Variants in NCKAP1 observed in about 807,000 individuals in gnomAD.
NCKAP1 encodes the protein NCK associated protein 1, also known as nck-associated protein 1.
Under a neutral mutation model 151.2 loss-of-function variants are expected in NCKAP1, and 21 were observed. That is an observed-to-expected ratio of 0.14 (90% CI 0.10 to 0.20). The LOEUF is 0.20. NCKAP1 is among the 10% of genes least tolerant of loss of function. The pLI is 1.00. For missense variants in NCKAP1, 933 were observed against 1,352.1 expected (o/e 0.69, Z 4.86); for synonymous variants, 484 against 451.8 (o/e 1.07, Z -0.90).
At chr2:182,964,045 A>T (rs889837389) in intron 17 of NCKAP1, among the ~76,000 whole-genome samples, 6 of 152,152 alleles carry the variant, frequency 3.9e-5, no homozygotes, top group Non-Finnish European at 7.4e-5. Context: ...GTTAAATTAT[A>T]ATAAAGAAAT....
intron 2 of NCKAP1, among the ~76,000 whole-genome samples, chr2:183,011,877 A>T (rs1287304317): frequency 6.6e-6 from 1 of 152,226 alleles, no homozygotes; most frequent in East Asian, 1.9e-4. Context: ...TATTATTCAG[A>T]CAACAAATAT....
intron 25 of NCKAP1, 97 bp from the exon 26 acceptor site, chr2:182,934,929 A>C (rs1006031083): frequency 1.9e-5 from 12 of 617,110 alleles, no homozygotes; most frequent in African/African-American, 3.7e-5. Context: ...GTTTTCATAA[A>C]AATTATTTTA....
chr2:183,034,539 G>GT (rs1699066189), intron 1 of NCKAP1, among the ~76,000 whole-genome samples: 1 of 152,076 alleles, frequency 6.6e-6, no homozygotes, highest in Non-Finnish European at 1.5e-5. Context: ...AAAGAAGAGA[G>GT]TAAACCACAC....
At chr2:182,947,609 T>A (rs1321007001) in intron 23 of NCKAP1, among the ~76,000 whole-genome samples, 1 of 152,318 alleles carries the variant, frequency 6.6e-6, no homozygotes, top group South Asian at 2.1e-4. Flanking sequence ...GAGATATATA[T>A]ATATCTCCAG....
Position 183,003,234 on chromosome 2 carries a change from T to A in NCKAP1, c.311A>T (p.Lys104Met). Reference protein sequence around the residue: ...YFTFVDVMEFKDHVCELLNTI... With the variant: ...YFTFVDVMEFMDHVCELLNTI... Reference sequence around the variant, plus strand: ...AATATTATATATTAAAATACATACCTTAAATTCCATAACATCTACAAATGT... The same window carrying A: ...AATATTATATATTAAAATACATACCATAAATTCCATAACATCTACAAATGT... Residue 104 changes from lysine (K) to methionine (M), a missense_variant and splice_region_variant, in exon 3 of 31, where the codon AAG becomes ATG. Around this residue, in one of 2 missense-constraint regions of NCKAP1, gnomAD observed 607 missense variants for 795.0 expected, o/e 0.76. Coordinates refer to ENST00000361354, the MANE Select transcript of NCKAP1 (RefSeq NM_013436.5). 1 of 1,494,268 alleles carries A rather than the reference T, an allele frequency of 6.7e-7. No homozygotes were observed. Among genetic ancestry groups the A allele is most frequent in the South Asian group, 1.2e-5 (1 of 81,598 alleles). The allele number at this position is 1,494,268 out of a possible 1,614,324, so 92.6% of individuals were successfully genotyped here.
intron 23 of NCKAP1, among the ~76,000 whole-genome samples, chr2:182,946,834 G>A (rs75751697): frequency 0.025 from 3,748 of 151,610 alleles, 66 homozygotes; most frequent in Middle Eastern, 0.046. Context: ...AGAATAAGGA[G>A]AGGTGAGAAA....
At chr2:182,943,688 C>T (rs1202591505) in intron 23 of NCKAP1, among the ~76,000 whole-genome samples, 6 of 152,092 alleles carry the variant, frequency 3.9e-5, no homozygotes, top group African/African-American at 1.2e-4. Flanking sequence ...CATACCATTT[C>T]AGAAATACTG....
chr2:182,960,152 C>G (rs889371367), intron 18 of NCKAP1, among the ~76,000 whole-genome samples: 155 of 152,300 alleles, frequency 1.0e-3, no homozygotes, highest in Non-Finnish European at 1.7e-3. Context: ...AATGGCTACA[C>G]TGCCCAAGGT....
Position 183,029,822 on chromosome 2 carries a change from A to G in NCKAP1, c.109-5906T>C, listed in dbSNP as rs560803091. On this transcript the variant is annotated intron_variant, in intron 1 of 30. Transcript: ENST00000361354. Reference sequence around the variant, plus strand: ...TAGGCAAGAGTGAGACCCTGACTCGAAAAAAAAAAAAAAAAAAAGAGAGAG... The same window carrying G: ...TAGGCAAGAGTGAGACCCTGACTCGGAAAAAAAAAAAAAAAAAAGAGAGAG... Among the ~76,000 whole-genome samples, 215 of 99,804 alleles carry G rather than the reference A, an allele frequency of 2.2e-3. 2 individuals carry two copies. Among genetic ancestry groups the G allele is most frequent in the African/African-American group, 8.9e-3 (203 of 22,690 alleles). The allele number at this position is 99,804 out of a possible 152,430, so 65.5% of individuals were successfully genotyped here.
intron 20 of NCKAP1, among the ~76,000 whole-genome samples, chr2:182,955,345 T>G (rs1391853546): frequency 6.6e-6 from 1 of 152,168 alleles, no homozygotes; most frequent in Non-Finnish European, 1.5e-5. Flanking sequence ...TTTTGTTTTA[T>G]AAATTGCTTC....
chr2:182,931,483 G>A (rs1023994728), intron 26 of NCKAP1, among the ~76,000 whole-genome samples: 1 of 152,100 alleles, frequency 6.6e-6, no homozygotes, highest in Non-Finnish European at 1.5e-5. Context: ...AGATTAAAAT[G>A]TTTGTAATCT....
chr2:182,982,173 C>T (rs1347069077), intron 12 of NCKAP1, among the ~76,000 whole-genome samples: 1 of 151,888 alleles, frequency 6.6e-6, no homozygotes, highest in Non-Finnish European at 1.5e-5. Context: ...AAAATGAATT[C>T]CATAAGAAAT....
chr2:182,932,646 ATGT>A (rs1696788923), intron 26 of NCKAP1, among the ~76,000 whole-genome samples: 1 of 151,058 alleles, frequency 6.6e-6, no homozygotes, highest in African/African-American at 2.4e-5. Flanking sequence ...GTTTAAAAAC[ATGT>A]TTTTGTTTTT....
Position 183,023,900 on chromosome 2 carries a change from T to C in NCKAP1, c.125A>G (p.Lys42Arg), listed in dbSNP as rs746442870. ...GTCGATAAGATAGGATGGTTTTGCCTTGGGGTCTCCACATGCCTATAAAAC... is the reference window on the plus strand; with the variant it reads ...GTCGATAAGATAGGATGGTTTTGCCCTGGGGTCTCCACATGCCTATAAAAC... ...YNIKKACGDP[K>R]AKPSYLIDKN... Residue 42 changes from lysine to arginine, a missense_variant, in exon 2 of 31, where the codon AAG becomes AGG. Physicochemically the swap from Lys to Arg is conservative, Grantham distance 26. Around this residue, in one of 2 missense-constraint regions of NCKAP1, gnomAD observed 607 missense variants for 795.0 expected, o/e 0.76. Coordinates refer to ENST00000361354, the MANE Select transcript of NCKAP1 (RefSeq NM_013436.5). The C allele has an allele frequency of 2.5e-6, 4 of 1,611,040 alleles. No homozygotes were observed. Among genetic ancestry groups the C allele is most frequent in the South Asian group, 1.1e-5 (1 of 90,702 alleles).
rs1403887512 is a variant in NCKAP1 at position 182,923,293 on chromosome 2, G to C, written c.*2409C>G. 1 of 140,650 alleles carries C rather than the reference G, an allele frequency of 7.1e-6. No homozygotes were observed. 8.7% of individuals were successfully genotyped at this position (140,650 alleles called of 1,614,324 possible). ...AAATGAGTATTTTCTTTTTTTTTTT[G>C]AGACAGTCTCATTCTGTCATCCAGG... is the stretch of plus-strand genomic sequence containing the variant. On this transcript the variant is annotated 3_prime_UTR_variant, in exon 31 of 31. Transcript: ENST00000361354.
In NCKAP1 at chr2:182,910,745, T is replaced by A. The variant is rs1553507000; in HGVS notation, c.*14957A>T. ...CCTCAAAACCTTTTCTTCTAGGAAA[T>A]TCCTGGCAATGCAATCTAATTTCTT... On this transcript the variant is annotated 3_prime_UTR_variant, in exon 31 of 31. Coordinates refer to ENST00000361354, the MANE Select transcript of NCKAP1 (RefSeq NM_013436.5). 6.6e-6 allele frequency: 1 copy of A among 152,114 alleles called. No homozygotes were observed. Among genetic ancestry groups the A allele is most frequent in the Non-Finnish European group, 1.5e-5 (1 of 68,036 alleles). The allele number at this position is 152,114 out of a possible 1,614,324, so 9.4% of individuals were successfully genotyped here.
intron 2 of NCKAP1, among the ~76,000 whole-genome samples, chr2:183,019,750 A>C (rs916019763): frequency 6.6e-6 from 1 of 152,218 alleles, no homozygotes; most frequent in Non-Finnish European, 1.5e-5. Context: ...ATTCATTTTG[A>C]ATTTCATTTA....
chr2:182,946,523 T>C (rs543202143), intron 23 of NCKAP1, among the ~76,000 whole-genome samples: 97 of 151,922 alleles, frequency 6.4e-4, no homozygotes, highest in African/African-American at 2.2e-3. Context: ...AAATAATCTG[T>C]GTGCCAAACC....
At chr2:182,988,471 G>A (rs1365144225) in intron 9 of NCKAP1, among the ~76,000 whole-genome samples, 2 of 151,958 alleles carry the variant, frequency 1.3e-5, no homozygotes, top group Non-Finnish European at 2.9e-5. Context: ...CAAGTGGAGA[G>A]AAATAAAGTT....
Sources: gnomAD v4.1 joint callset for allele counts (sites outside exome capture counted in the v4.1 genomes callset) on GRCh38, gnomAD v4.1.1 for gene constraint, gnomAD v4.1.1 regional missense constraint, MANE v1.5 for transcripts, NCBI Gene and HGNC (gene_info 2026-07-23, HGNC 2026-07-21) for gene names.